Variants in VRK2 observed in about 807,000 individuals in gnomAD.
The protein encoded by VRK2 is VRK serine/threonine kinase 2, also known as serine/threonine-protein kinase VRK2.
VRK2 carries 60 observed loss-of-function variants against 57.6 expected under a neutral mutation model. The ratio of observed to expected loss-of-function variants is 1.04; its 90% confidence interval spans 0.85 to 1.29. The LOEUF (loss-of-function observed/expected upper bound fraction) is 1.29. Ranked by LOEUF, VRK2 falls within the 50% of genes most tolerant of loss-of-function variation. The pLI, the probability that VRK2 is intolerant of heterozygous loss-of-function variation, is 0.00. For synonymous variants in VRK2, 231 were observed against 199.2 expected, an observed-to-expected ratio of 1.16 and a Z score of -1.35; for missense variants, 705 against 588.1, an observed-to-expected ratio of 1.20 and a Z score of -2.06.
chr2:58,140,962 G>T, intron 11 of VRK2, among the ~76,000 whole-genome samples: 1 of 151,950 alleles, frequency 6.6e-6, no homozygotes, highest in East Asian at 1.9e-4. Context: ...ATGATCTCCT[G>T]ATTGTCACCT....
intron 7 of VRK2, among the ~76,000 whole-genome samples, chr2:58,097,780 G>A (rs777687116): frequency 2.6e-5 from 4 of 152,048 alleles, no homozygotes; most frequent in Non-Finnish European, 5.9e-5. Flanking sequence ...AGTATAGCAC[G>A]TAACAATTAT....
chr2:58,136,725 A>C (rs1326817602), intron 10 of VRK2, among the ~76,000 whole-genome samples: 4 of 150,114 alleles, frequency 2.7e-5, no homozygotes, highest in African/African-American at 7.4e-5. Flanking sequence ...TCATCTTTTA[A>C]TCAACTGGAC....
intron 12 of VRK2, among the ~76,000 whole-genome samples, chr2:58,154,316 G>C (rs1208324653): frequency 6.8e-6 from 1 of 147,634 alleles, no homozygotes; most frequent in Non-Finnish European, 1.5e-5. Context: ...GCTTGCTTTG[G>C]ATTTCTTTTT....
chr2:58,012,178 T>A (rs1673435759), intron 1 of VRK2, among the ~76,000 whole-genome samples: 1 of 152,204 alleles, frequency 6.6e-6, no homozygotes. Flanking sequence ...GAGGCATGAA[T>A]AATCCACCTT....
intron 7 of VRK2, among the ~76,000 whole-genome samples, chr2:58,092,588 C>G (rs1672532596): frequency 6.6e-6 from 1 of 152,110 alleles, no homozygotes; most frequent in Admixed American, 6.6e-5. Flanking sequence ...TGGAAACTGC[C>G]AAGTTGTTTT....
At chr2:58,006,089 C>T (rs1336571113) in intron 1 of VRK2, among the ~76,000 whole-genome samples, 2 of 152,174 alleles carry the variant, frequency 1.3e-5, no homozygotes, top group Non-Finnish European at 2.9e-5. Flanking sequence ...AGTATAACCC[C>T]TGAGGGTATG....
chr2:58,006,875 T>C (rs1673263237), intron 1 of VRK2, among the ~76,000 whole-genome samples: 1 of 152,104 alleles, frequency 6.6e-6, no homozygotes, highest in Non-Finnish European at 1.5e-5. Flanking sequence ...CTAATTTGAG[T>C]CATAGAAATG....
intron 1 of VRK2, among the ~76,000 whole-genome samples, chr2:58,007,443 C>T (rs1673282518): frequency 6.6e-6 from 1 of 151,876 alleles, no homozygotes; most frequent in Admixed American, 6.6e-5. Flanking sequence ...AATAACCTCT[C>T]CTTTTCCTCC....
chr2:57,952,717 G>A (rs942397108), intron 1 of VRK2, among the ~76,000 whole-genome samples: 2 of 149,028 alleles, frequency 1.3e-5, no homozygotes, highest in South Asian at 2.1e-4. Flanking sequence ...GAGAGCAGGT[G>A]TTATCTTTAC....
intron 2 of VRK2, among the ~76,000 whole-genome samples, chr2:58,055,445 T>G (rs1676375806): frequency 6.6e-6 from 1 of 152,246 alleles, no homozygotes; most frequent in African/African-American, 2.4e-5. Context: ...GCAGCTCCTG[T>G]GGCTGTGTCA....
intron 11 of VRK2, among the ~76,000 whole-genome samples, chr2:58,144,487 A>G (rs1681818896): frequency 6.6e-6 from 1 of 152,048 alleles, no homozygotes; most frequent in Non-Finnish European, 1.5e-5. Flanking sequence ...TCAAAACATC[A>G]CATTGTATAC....
chr2:58,035,385 T>C (rs1376447091), intron 3 of VRK2, among the ~76,000 whole-genome samples: 1 of 152,008 alleles, frequency 6.6e-6, no homozygotes, highest in Admixed American at 6.6e-5. Context: ...CTTTTATCTA[T>C]TTATTAGTTT....
chr2:58,080,598 A>G (rs1670725134), intron 2 of VRK2, among the ~76,000 whole-genome samples: 1 of 151,804 alleles, frequency 6.6e-6, no homozygotes, highest in African/African-American at 2.4e-5. Context: ...TTTTGTGATT[A>G]GGTTAGACTA....
chr2:57,990,143 A>T (rs1672717328), intron 1 of VRK2, among the ~76,000 whole-genome samples: 1 of 152,218 alleles, frequency 6.6e-6, no homozygotes, highest in African/African-American at 2.4e-5. Flanking sequence ...GTCATGTCAC[A>T]GTCTTAACAC....
At chr2:57,920,445 T>C (rs889268340) in intron 1 of VRK2, among the ~76,000 whole-genome samples, 1 of 152,112 alleles carries the variant, frequency 6.6e-6, no homozygotes, top group Non-Finnish European at 1.5e-5. Flanking sequence ...CTCAATGGGC[T>C]CAGTTATGAT....
intron 1 of VRK2, among the ~76,000 whole-genome samples, chr2:57,915,662 G>GT (rs1369745910): frequency 6.6e-6 from 1 of 152,126 alleles, no homozygotes; most frequent in Non-Finnish European, 1.5e-5. Flanking sequence ...ACTATAAACA[G>GT]TTATCTGCGA....
chr2:57,929,984 G>A (rs1296893832), intron 1 of VRK2, among the ~76,000 whole-genome samples: 1 of 152,002 alleles, frequency 6.6e-6, no homozygotes, highest in East Asian at 1.9e-4. Context: ...CTCAAGCAGA[G>A]GACAGGAGTT....
At chr2:57,921,746 A>T (rs1252892067) in intron 1 of VRK2, among the ~76,000 whole-genome samples, 2 of 152,100 alleles carry the variant, frequency 1.3e-5, no homozygotes, top group African/African-American at 4.8e-5. Context: ...GGATTCTAAA[A>T]CAACAGAATT....
chr2:57,933,303 C>G (rs1434454516), intron 1 of VRK2, among the ~76,000 whole-genome samples: 1 of 78,058 alleles, frequency 1.3e-5, no homozygotes, highest in Non-Finnish European at 2.4e-5. Context: ...TTATTTCTTT[C>G]TTTTTCTTTT....
Sources: allele counts gnomAD v4.1 joint callset (sites outside exome capture counted in the v4.1 genomes callset), GRCh38; gene constraint gnomAD v4.1.1; transcripts MANE v1.5; gene names NCBI Gene and HGNC (gene_info 2026-07-23, HGNC 2026-07-21).